AK5: variants seen among roughly 807,000 people sequenced by gnomAD.
AK5 encodes adenylate kinase 5.
Under a neutral mutation model 69.5 loss-of-function variants are expected in AK5, and 27 were observed. The observed-to-expected ratio is 0.39, with a 90% confidence interval of 0.29 to 0.54. The LOEUF is 0.54. Among genes scored for constraint, AK5 ranks in the 20% least tolerant of loss-of-function variants. The pLI, the probability that AK5 is intolerant of heterozygous loss-of-function variation, is 0.71. For synonymous variants in AK5, 260 were observed against 244.4 expected (o/e 1.06, Z -0.60); for missense variants, 531 against 700.4 (o/e 0.76, Z 2.73).
At chr1:77,511,846 G>T (rs1274154707) in intron 10 of AK5, among the ~76,000 whole-genome samples, 3 of 152,186 alleles carry the variant, frequency 2.0e-5, no homozygotes, top group Admixed American at 2.0e-4. Flanking sequence ...TAGCTAGGGA[G>T]GTAAGTGGAG....
At chr1:77,425,145 A>T (rs548240041) in intron 8 of AK5, among the ~76,000 whole-genome samples, 3 of 152,354 alleles carry the variant, frequency 2.0e-5, no homozygotes, top group Non-Finnish European at 1.5e-5. Context: ...GGAATAAAGC[A>T]CCAACCTAGA....
chr1:77,331,442 AG>A, intron 5 of AK5, among the ~76,000 whole-genome samples: 1 of 152,176 alleles, frequency 6.6e-6, no homozygotes, highest in East Asian at 1.9e-4. Flanking sequence ...ATATTACCAA[AG>A]CTTTTTCCGT....
At position 77,419,299 on chromosome 1, in the gene AK5, A is replaced by G. The variant is rs538338202; in HGVS notation, c.1059+1584A>G. Among the ~76,000 whole-genome samples, 21 of 152,292 alleles carry G rather than the reference A, an allele frequency of 1.4e-4. No individual in the cohort carries two copies. In the South Asian group the frequency reaches 3.1e-3, roughly 23 times the overall value. ...TAAGACTCCAGCAGAGGCTAATGCA[A>G]AACAACCACTTACAATCTAAAATTA... On this transcript the variant is annotated intron_variant, in intron 8 of 13. Coordinates refer to ENST00000354567, the MANE Select transcript of AK5 (RefSeq NM_174858.3).
chr1:77,537,071 C>T (rs192675021), intron 13 of AK5, among the ~76,000 whole-genome samples: 31 of 152,184 alleles, frequency 2.0e-4, no homozygotes, highest in Middle Eastern at 3.4e-3. Flanking sequence ...CCTTGCAAAG[C>T]TTAGGGTTTC....
chr1:77,289,962 G>A (rs1351181714), intron 2 of AK5, among the ~76,000 whole-genome samples: 2 of 150,806 alleles, frequency 1.3e-5, no homozygotes, highest in Non-Finnish European at 3.0e-5. Context: ...TACACAAATT[G>A]TGAGTTTGGA....
chr1:77,418,500 T>C (rs1557577707), intron 8 of AK5, among the ~76,000 whole-genome samples: 1 of 152,156 alleles, frequency 6.6e-6, no homozygotes, highest in Non-Finnish European at 1.5e-5. Context: ...AGCCAAGAAG[T>C]TAAATACATT....
At position 77,282,628 on chromosome 1, in the gene AK5, G is replaced by C. The variant is rs1658124211; in HGVS notation, c.60+255G>C. The C allele has an allele frequency of 3.2e-6, 4 of 1,254,198 alleles. No homozygotes were observed. The East Asian group carries it at 1.1e-4, about 35-fold the overall frequency. 77.7% of individuals were successfully genotyped at this position (1,254,198 alleles called of 1,614,324 possible). A position where few individuals can be genotyped will look rare whatever the true frequency, so the allele number is the denominator to read the frequency against. On this transcript the variant is annotated intron_variant, in intron 1 of 13. Transcript: ENST00000354567. ...GTCTTCCAGCAGGGTTCTGAAAGCA[G>C]CCTGCTCCCATCGCGCCCCTCGGAT... is the stretch of plus-strand genomic sequence containing the variant.
chr1:77,478,826 G>A (rs190382463), intron 8 of AK5, among the ~76,000 whole-genome samples: 217 of 152,226 alleles, frequency 1.4e-3, no homozygotes, highest in African/African-American at 5.1e-3. Context: ...ATCTTAAGGT[G>A]GTGATGATAG....
intron 8 of AK5, among the ~76,000 whole-genome samples, chr1:77,445,751 A>AT (rs1335528677): frequency 6.6e-6 from 1 of 151,744 alleles, no homozygotes; most frequent in Non-Finnish European, 1.5e-5. Context: ...TACCCGGCTA[A>AT]TTTTTGTATT....
chr1:77,398,145 T>A (rs1426689928), intron 6 of AK5, among the ~76,000 whole-genome samples: 2 of 151,998 alleles, frequency 1.3e-5, no homozygotes, highest in African/African-American at 4.8e-5. Context: ...TTTTAAAGGA[T>A]GAATCACATG....
intron 11 of AK5, among the ~76,000 whole-genome samples, chr1:77,520,706 C>T (rs1657931203): frequency 6.6e-6 from 1 of 152,238 alleles, no homozygotes; most frequent in African/African-American, 2.4e-5. Context: ...CATTCTGTAC[C>T]TCTTTGTCCT....
At position 77,308,330 on chromosome 1, in the gene AK5, G is replaced by A. The variant is rs113136447; in HGVS notation, c.699+10383G>A. ...ACTTATCTGCCATAGTAGCCACCTG[G>A]CCCTACTTCTTGGCTTTGTATAGTA... is the stretch of plus-strand genomic sequence containing the variant. On this transcript the variant is annotated intron_variant, in intron 5 of 13. Transcript: ENST00000354567. Among the ~76,000 whole-genome samples the A allele has an allele frequency of 3.3e-3, 508 of 151,838 alleles. 4 individuals are homozygous for A. Among genetic ancestry groups the A allele is most frequent in the African/African-American group, 0.012 (483 of 41,378 alleles).
At chr1:77,307,585 T>G (rs778119718) in intron 5 of AK5, among the ~76,000 whole-genome samples, 4 of 152,224 alleles carry the variant, frequency 2.6e-5, no homozygotes, top group Non-Finnish European at 5.9e-5. Flanking sequence ...TCTGCAGCTC[T>G]TAGATGAAAT....
At chr1:77,390,444 T>C (rs1237115948) in intron 6 of AK5, among the ~76,000 whole-genome samples, 1 of 152,210 alleles carries the variant, frequency 6.6e-6, no homozygotes, top group African/African-American at 2.4e-5. Flanking sequence ...CAGTAAACAG[T>C]TAACTGATAA....
chr1:77,554,597 GTTTTGTTTTTGT>G (rs373574613), intron 13 of AK5, among the ~76,000 whole-genome samples: 2 of 151,764 alleles, frequency 1.3e-5, no homozygotes, highest in Non-Finnish European at 2.9e-5. Flanking sequence ...TTTTATTTGG[GTTTTGTTTTTGT>G]TTTTGTTTTT....
chr1:77,429,936 C>T (rs1446164818), intron 8 of AK5, among the ~76,000 whole-genome samples: 4 of 152,024 alleles, frequency 2.6e-5, no homozygotes, highest in Non-Finnish European at 5.9e-5. Context: ...TGCAGATGAG[C>T]CTGGAAAGTA....
chr1:77,447,539 AG>A (rs1212755470), intron 8 of AK5, among the ~76,000 whole-genome samples: 1 of 151,584 alleles, frequency 6.6e-6, no homozygotes, highest in African/African-American at 2.4e-5. Context: ...ACTGATCAGT[AG>A]AGACTGTTTT....
chr1:77,555,390 A>T (rs1216370445), intron 13 of AK5, among the ~76,000 whole-genome samples: 1 of 152,004 alleles, frequency 6.6e-6, no homozygotes, highest in Non-Finnish European at 1.5e-5. Context: ...TTCCAGCTTC[A>T]CTCCTTGCTA....
rs1426329460 is a variant in AK5, at chr1:77,559,357, C to T, written c.*687C>T. On this transcript the variant is annotated 3_prime_UTR_variant, in exon 14 of 14. Coordinates refer to ENST00000354567, the MANE Select transcript of AK5 (RefSeq NM_174858.3). ...TATTATTTTTTAGAAACTTGGAATACTGTCGTCATGGCTAAGAGAACAAAT... is the reference window on the plus strand; with the variant it reads ...TATTATTTTTTAGAAACTTGGAATATTGTCGTCATGGCTAAGAGAACAAAT... 1 of 152,104 alleles carries T rather than the reference C, an allele frequency of 6.6e-6. No homozygotes were observed. The allele number at this position is 152,104 out of a possible 1,614,324, so 9.4% of individuals were successfully genotyped here.
Sources: allele counts gnomAD v4.1 joint callset (sites outside exome capture counted in the v4.1 genomes callset), GRCh38; gene constraint gnomAD v4.1.1; transcripts MANE v1.5; gene names NCBI Gene and HGNC (gene_info 2026-07-23, HGNC 2026-07-21).